The following CSMD1 variants were observed in gnomAD, a reference collection of about 807,000 sequenced individuals.
CSMD1 encodes the protein CUB and sushi domain-containing protein 1.
In CSMD1, 213 loss-of-function variants were observed where a neutral mutation model predicts 417.5. That is an observed-to-expected ratio of 0.51 (90% confidence interval 0.46 to 0.57). The LOEUF is 0.57. CSMD1 is among the 20% of genes least tolerant of loss of function. The pLI, the probability that CSMD1 is intolerant of heterozygous loss-of-function variation, is 0.00. For missense variants in CSMD1, 6,923 were observed against 4,529.7 expected (o/e 1.53, Z -15.17); for synonymous variants, 2,862 against 1,736.8 (o/e 1.65, Z -16.11).
At chr8:3,240,522 G>C (rs1026439492) in intron 26 of CSMD1, among the ~76,000 whole-genome samples, 31 of 152,020 alleles carry the variant, frequency 2.0e-4, no homozygotes, top group Non-Finnish European at 5.9e-5. Flanking sequence ...CGCCGAGATA[G>C]GTAACAGATG....
At chr8:4,920,896 GAAAAGAAAAGA>G (rs1806408818) in intron 1 of CSMD1, among the ~76,000 whole-genome samples, 1 of 37,544 alleles carries the variant, frequency 2.7e-5, no homozygotes, top group African/African-American at 7.4e-5. Context: ...GAAAAGAAAA[GAAAAGAAAAGA>G]AAAGAAAAGA....
intron 10 of CSMD1, among the ~76,000 whole-genome samples, chr8:3,508,604 G>A (rs1373427187): frequency 4.6e-5 from 7 of 152,098 alleles, no homozygotes; most frequent in Admixed American, 2.6e-4. Flanking sequence ...TTTTAGCGAT[G>A]TGTGAGAAAA....
At chr8:4,334,684 A>G (rs7015864) in intron 3 of CSMD1, among the ~76,000 whole-genome samples, 96,654 of 151,982 alleles carry the variant, frequency 0.64, 30,891 homozygotes, top group Middle Eastern at 0.7. Context: ...CTCAAAGCCT[A>G]TACTGCCCAA....
chr8:4,358,569 T>A (rs748493298), intron 3 of CSMD1, among the ~76,000 whole-genome samples: 1 of 152,206 alleles, frequency 6.6e-6, no homozygotes, highest in Non-Finnish European at 1.5e-5. Context: ...ATATTTACTA[T>A]CTGGCCATTT....
intron 1 of CSMD1, among the ~76,000 whole-genome samples, chr8:4,708,043 A>G (rs866588960): frequency 2.6e-5 from 4 of 152,272 alleles, no homozygotes; most frequent in Admixed American, 1.3e-4. Context: ...TCCTTGGCTC[A>G]AGTGATCCTA....
In CSMD1 at chr8:3,959,736, G is replaced by A. The variant is rs368027263; in HGVS notation, c.818+38167C>T. Among the ~76,000 whole-genome samples, 7 of 152,200 alleles carry A rather than the reference G, an allele frequency of 4.6e-5. 1 individual carries two copies. The South Asian group carries it at 1.5e-3, about 32-fold the overall frequency. On this transcript the variant is annotated intron_variant, in intron 5 of 69. Coordinates refer to ENST00000635120, the MANE Select transcript of CSMD1 (RefSeq NM_033225.6). ...ACACAGAATGTTTTGAAACTGCAGC[G>A]GGAACACACTCAAACTTAGGTATGT...
chr8:4,242,611 A>G (rs1170387312), intron 3 of CSMD1, among the ~76,000 whole-genome samples: 1 of 152,132 alleles, frequency 6.6e-6, no homozygotes, highest in Non-Finnish European at 1.5e-5. Context: ...AAACCAGACT[A>G]CTGCTAGTTC....
chr8:3,578,078 T>C (rs1397667712), intron 9 of CSMD1, among the ~76,000 whole-genome samples: 2 of 152,154 alleles, frequency 1.3e-5, no homozygotes, highest in Non-Finnish European at 2.9e-5. Context: ...CTGAATTTCA[T>C]AGTGGAGAGA....
At chr8:3,464,954 T>G (rs2117170800) in intron 12 of CSMD1, among the ~76,000 whole-genome samples, 1 of 152,324 alleles carries the variant, frequency 6.6e-6, no homozygotes, top group Non-Finnish European at 1.5e-5. Context: ...TAGGGGAAAT[T>G]ATCAATTCAC....
chr8:4,213,000 C>A (rs890207922), intron 3 of CSMD1, among the ~76,000 whole-genome samples: 1 of 152,084 alleles, frequency 6.6e-6, no homozygotes, highest in African/African-American at 2.4e-5. Flanking sequence ...TGTTGCCTCT[C>A]AGTCTTTGTT....
At chr8:3,920,813 C>T (rs184847130) in intron 5 of CSMD1, among the ~76,000 whole-genome samples, 128 of 152,178 alleles carry the variant, frequency 8.4e-4, no homozygotes, top group African/African-American at 2.9e-3. Context: ...TGCATCCCAG[C>T]GATAAATCTC....
In CSMD1 at chr8:4,222,831, C is replaced by T. The variant is rs1036598609; in HGVS notation, c.416-190732G>A. On this transcript the variant is annotated intron_variant, in intron 3 of 69. Coordinates refer to ENST00000635120, the MANE Select transcript of CSMD1 (RefSeq NM_033225.6). Reference sequence around the variant, plus strand: ...CTGAGGATTTTGCCAGACTAAGAGTCGCTGAAAATACCATGAGGACAATTA... The same window carrying T: ...CTGAGGATTTTGCCAGACTAAGAGTTGCTGAAAATACCATGAGGACAATTA... Among the ~76,000 whole-genome samples the T allele has an allele frequency of 2.6e-5, 4 of 151,884 alleles. No individual in the cohort carries two copies. In the East Asian group the frequency reaches 5.8e-4, roughly 22 times the overall value.
At chr8:3,619,227 A>T (rs1395877453) in intron 7 of CSMD1, among the ~76,000 whole-genome samples, 3 of 152,148 alleles carry the variant, frequency 2.0e-5, no homozygotes, top group African/African-American at 7.2e-5. Flanking sequence ...GTACACACAA[A>T]CCCAGACAGG....
intron 2 of CSMD1, among the ~76,000 whole-genome samples, chr8:4,478,886 G>C (rs1310780769): frequency 2.0e-5 from 3 of 152,138 alleles, no homozygotes; most frequent in African/African-American, 4.8e-5. Flanking sequence ...TTAAAAAGCA[G>C]ACAAATGGAA....
intron 50 of CSMD1, 74 bp from the exon 51 acceptor site, chr8:3,029,587 C>A: frequency 1.5e-6 from 2 of 1,322,446 alleles, no homozygotes; most frequent in Non-Finnish European, 2.1e-6. Context: ...CTTTGGATGG[C>A]AAGGTCTTGC....
chr8:3,602,307 G>A (rs1801401949), intron 8 of CSMD1, among the ~76,000 whole-genome samples: 1 of 152,090 alleles, frequency 6.6e-6, no homozygotes, highest in Non-Finnish European at 1.5e-5. Context: ...TCTCTCTAGG[G>A]CAGATCAATG....
At chr8:4,904,200 T>A (rs767498525) in intron 1 of CSMD1, among the ~76,000 whole-genome samples, 2 of 152,154 alleles carry the variant, frequency 1.3e-5, no homozygotes, top group Admixed American at 6.6e-5. Flanking sequence ...CATAACATGA[T>A]GACCAACCAT....
chr8:3,246,504 C>CAAATTT (rs1799889481), intron 26 of CSMD1, among the ~76,000 whole-genome samples: 1 of 152,108 alleles, frequency 6.6e-6, no homozygotes, highest in Non-Finnish European at 1.5e-5. Context: ...CAGAGTCTCA[C>CAAATTT]TCTGTCACCC....
chr8:2,941,146 T>G (rs1801845505), intron 69 of CSMD1, among the ~76,000 whole-genome samples: 3 of 152,230 alleles, frequency 2.0e-5, no homozygotes, highest in Admixed American at 2.0e-4. Flanking sequence ...TCTTTAATTT[T>G]CTAAATATCA....
Sources: gnomAD v4.1 joint callset for allele counts (sites outside exome capture counted in the v4.1 genomes callset) on GRCh38, gnomAD v4.1.1 for gene constraint, MANE v1.5 for transcripts, NCBI Gene and HGNC (gene_info 2026-07-23, HGNC 2026-07-21) for gene names.